Variants in DDX60 observed in about 807,000 individuals in gnomAD.
The protein encoded by DDX60 is probable ATP-dependent RNA helicase DDX60.
A neutral mutation model predicts 212.8 loss-of-function variants in DDX60; 165 were observed. The ratio of observed to expected loss-of-function variants is 0.78; its 90% CI spans 0.68 to 0.88. The LOEUF (loss-of-function observed/expected upper bound fraction) is 0.88. Ranked by LOEUF, DDX60 falls within the 40% of genes least tolerant of loss-of-function variation. The pLI is 0.00. For missense variants in DDX60, 1,905 were observed against 2,003.9 expected (o/e 0.95, Z 0.94); for synonymous variants, 703 against 685.3 (o/e 1.03, Z -0.40).
intron 33 of DDX60, among the ~76,000 whole-genome samples, chr4:168,231,642 AG>A (rs2149493815): frequency 6.6e-6 from 1 of 152,174 alleles, no homozygotes; most frequent in East Asian, 1.9e-4. Context: ...ATGCAGAAAA[AG>A]CATTTGACAA....
rs992447652 is a variant in DDX60, at chr4:168,216,359, G to A, written c.*574C>T. The stretch of plus-strand genomic sequence containing the variant: ...GTCACTTATATACAATTACAATAAA[G>A]CAAATCATTCTCTATATTTTTGTTA... On this transcript the variant is annotated 3_prime_UTR_variant, in exon 38 of 38. Coordinates refer to ENST00000393743, the MANE Select transcript of DDX60 (RefSeq NM_017631.6). 6.6e-6 allele frequency: 1 copy of A among 152,016 alleles called. No homozygotes were observed. The highest frequency in any genetic ancestry group is 2.4e-5 in the African/African-American group (1 of 41,382). 9.4% of individuals were successfully genotyped at this position (152,016 alleles called of 1,614,324 possible).
At chr4:168,243,168 T>G (rs1733909787) in intron 30 of DDX60, among the ~76,000 whole-genome samples, 1 of 152,162 alleles carries the variant, frequency 6.6e-6, no homozygotes. Flanking sequence ...TTTTGTAAAT[T>G]GCCCAGTCTT....
intron 24 of DDX60, among the ~76,000 whole-genome samples, chr4:168,261,799 T>C (rs138825347): frequency 2.2e-3 from 342 of 152,294 alleles, no homozygotes; most frequent in African/African-American, 7.3e-3. Flanking sequence ...GGCACATGGT[T>C]CAGAAGACAC....
intron 10 of DDX60, 86 bp from the exon 11 acceptor site, chr4:168,285,584 T>C (rs1560858386): frequency 2.6e-6 from 2 of 772,620 alleles, no homozygotes; most frequent in Non-Finnish European, 4.1e-6. Context: ...TAAAACTTCA[T>C]ATTAAAAACA....
intron 37 of DDX60, 83 bp downstream of exon 37, chr4:168,220,572 G>T: frequency 1.3e-6 from 1 of 788,644 alleles, no homozygotes; most frequent in Non-Finnish European, 2.0e-6. Flanking sequence ...CATGTACCTG[G>T]CTTATAGTAA....
chr4:168,287,422 T>C (rs1303309016), intron 9 of DDX60, among the ~76,000 whole-genome samples: 3 of 152,204 alleles, frequency 2.0e-5, no homozygotes, highest in Non-Finnish European at 4.4e-5. Context: ...AATAACTAAG[T>C]ATTAAATTTG....
intron 10 of DDX60, among the ~76,000 whole-genome samples, chr4:168,286,390 A>G (rs919181578): frequency 1.9e-4 from 8 of 42,300 alleles, no homozygotes; most frequent in Admixed American, 1.1e-3. Context: ...TTGATTTTAT[A>G]CACACACACA....
chr4:168,220,764 A>G (rs771194326), intron 36 of DDX60, 47 bp from the exon 37 acceptor site: 30 of 1,007,854 alleles, frequency 3.0e-5, no homozygotes, highest in Non-Finnish European at 1.1e-5. Flanking sequence ...AACATTAAAG[A>G]ACATCCTATT....
chr4:168,293,961 A>G lies in DDX60; in HGVS notation c.724-16T>C, dbSNP rs1736228463. On this transcript the variant is annotated splice_polypyrimidine_tract_variant and intron_variant, in intron 6 of 37. Transcript: ENST00000393743. ...TCTTGTGTGCCTGTCAAAGAAAAAA[A>G]TTGTAATGTGTCATGCTATTTAGAA... 3 of 1,600,950 alleles carry G rather than the reference A, an allele frequency of 1.9e-6. No homozygotes were observed. Among genetic ancestry groups the G allele is most frequent in the African/African-American group, 1.3e-5 (1 of 74,106 alleles).
At chr4:168,297,507 A>G (rs1736456941) in intron 6 of DDX60, among the ~76,000 whole-genome samples, 1 of 152,204 alleles carries the variant, frequency 6.6e-6, no homozygotes, top group African/African-American at 2.4e-5. Flanking sequence ...ATCTCAATAA[A>G]ATTTAATGAA....
intron 6 of DDX60, among the ~76,000 whole-genome samples, chr4:168,297,613 T>C (rs1172036178): frequency 6.6e-6 from 1 of 152,148 alleles, no homozygotes; most frequent in Non-Finnish European, 1.5e-5. Flanking sequence ...ATTTGTATCA[T>C]TGCACATCTT....
chr4:168,311,018 C>A lies in DDX60; in HGVS notation c.54G>T (p.Leu18Phe), dbSNP rs1327622115. Residue 18 changes from leucine to phenylalanine, a missense_variant, in exon 3 of 38, where the codon TTG becomes TTT. By Grantham distance (22) the Leu-to-Phe change is conservative. Transcript: ENST00000393743. ...TFSQEMSQLI[L>F]NEMPKAEYSS... Reference sequence around the variant, plus strand: ...CTCACTCAGCTTTTGGCATTTCATTCAAAATTAACTGGGACATTTCCTGTG... The same window carrying A: ...CTCACTCAGCTTTTGGCATTTCATTAAAAATTAACTGGGACATTTCCTGTG... The A allele has an allele frequency of 1.3e-6, 2 of 1,574,238 alleles. No homozygotes were observed. The highest frequency in any genetic ancestry group is 1.7e-6 in the Non-Finnish European group (2 of 1,147,394).
chr4:168,248,479 G>A (rs1240884844), intron 28 of DDX60, among the ~76,000 whole-genome samples, 187 bp from the exon 29 acceptor site: 1 of 152,146 alleles, frequency 6.6e-6, no homozygotes, highest in Admixed American at 6.5e-5. Flanking sequence ...CAAATGCGCT[G>A]TTTGCTTTGC....
chr4:168,288,075 T>G, intron 9 of DDX60, 99 bp downstream of exon 9: 1 of 758,760 alleles, frequency 1.3e-6, no homozygotes, highest in Non-Finnish European at 2.0e-6. Flanking sequence ...AATTGCTATG[T>G]TATATGTTGG....
At chr4:168,294,522 A>T (rs1202761437) in intron 6 of DDX60, among the ~76,000 whole-genome samples, 2 of 151,920 alleles carry the variant, frequency 1.3e-5, no homozygotes, top group East Asian at 3.9e-4. Flanking sequence ...TTATTTAGAG[A>T]CAGGGTCTCA....
chr4:168,303,993 C>A (rs375381472), intron 5 of DDX60, among the ~76,000 whole-genome samples: 73 of 152,026 alleles, frequency 4.8e-4, no homozygotes, highest in South Asian at 8.3e-4. Context: ...AAAAAAACAA[C>A]AATAAAAAAA....
chr4:168,278,302 G>A (rs1338170265), intron 14 of DDX60, among the ~76,000 whole-genome samples: 1 of 152,140 alleles, frequency 6.6e-6, no homozygotes, highest in Admixed American at 6.5e-5. Context: ...ACCTCAAATG[G>A]CAAAAGTTTT....
chr4:168,239,015 C>T (rs1733740572), intron 30 of DDX60, among the ~76,000 whole-genome samples: 1 of 152,066 alleles, frequency 6.6e-6, no homozygotes, highest in Non-Finnish European at 1.5e-5. Flanking sequence ...TATTGCTTGG[C>T]AAACCATCAG....
chr4:168,285,342 C>G (rs776858544), intron 11 of DDX60, 51 bp downstream of exon 11: 2 of 1,020,786 alleles, frequency 2.0e-6, no homozygotes, highest in Non-Finnish European at 1.5e-6. Flanking sequence ...CGTTGAGTAA[C>G]TCATGTATTC....
Sources: gnomAD v4.1 joint callset for allele counts (sites outside exome capture counted in the v4.1 genomes callset) on GRCh38, gnomAD v4.1.1 for gene constraint, MANE v1.5 for transcripts, NCBI Gene and HGNC (gene_info 2026-07-23, HGNC 2026-07-21) for gene names.